LPP: variants seen among roughly 807,000 people sequenced by gnomAD.
LPP encodes the protein LIM domain containing preferred translocation partner in lipoma.
A neutral mutation model predicts 60.4 loss-of-function variants in LPP; 38 were observed. The ratio of observed to expected loss-of-function variants is 0.63; its 90% CI spans 0.49 to 0.83. The LOEUF is 0.83. Among genes scored for constraint, LPP ranks in the 40% least tolerant of loss-of-function variants. LPP has a pLI of 0.00. For missense variants in LPP, 902 were observed against 783.6 expected, an observed-to-expected ratio of 1.15 and a Z score of -1.80; for synonymous variants, 328 against 290.8, an observed-to-expected ratio of 1.13 and a Z score of -1.30.
At position 188,886,997 on chromosome 3, in the gene LPP, A is replaced by G. The variant is rs559231873; in HGVS notation, c.*12518A>G. 11 of 231,484 alleles carry G rather than the reference A, an allele frequency of 4.8e-5. No homozygotes were observed. The highest frequency in any genetic ancestry group is 1.8e-4 in the South Asian group (1 of 5,492). The allele number at this position is 231,484 out of a possible 1,614,324, so 14.3% of individuals were successfully genotyped here. On this transcript the variant is annotated 3_prime_UTR_variant, in exon 12 of 12. Transcript: ENST00000617246. ...ATCTCTCATGCGTGATTCTCTCTTTATATTTCTATCTGTTGGGAAAAGGGT... is the reference window on the plus strand; with the variant it reads ...ATCTCTCATGCGTGATTCTCTCTTTGTATTTCTATCTGTTGGGAAAAGGGT...
intron 7 of LPP, among the ~76,000 whole-genome samples, chr3:188,644,855 G>A (rs1186105283): frequency 6.6e-6 from 1 of 152,200 alleles, no homozygotes; most frequent in Non-Finnish European, 1.5e-5. Context: ...TTGGTGCAGG[G>A]TGCAGACAAG....
chr3:188,380,299 C>A (rs1043224464), intron 3 of LPP, among the ~76,000 whole-genome samples: 1 of 152,236 alleles, frequency 6.6e-6, no homozygotes, highest in African/African-American at 2.4e-5. Flanking sequence ...AAATGTTGTT[C>A]TTTGGGCACT....
chr3:188,378,969 G>C (rs1035929754), intron 3 of LPP, among the ~76,000 whole-genome samples: 1 of 152,160 alleles, frequency 6.6e-6, no homozygotes, highest in Admixed American at 6.5e-5. Context: ...AAGGGGAAGG[G>C]TGTGGGCAGG....
chr3:188,563,243 G>A (rs1302746255), intron 6 of LPP, among the ~76,000 whole-genome samples: 1 of 151,834 alleles, frequency 6.6e-6, no homozygotes, highest in Non-Finnish European at 1.5e-5. Context: ...TAACTTTACT[G>A]AAGCATATAT....
chr3:188,469,423 G>A (rs888733884), intron 4 of LPP, among the ~76,000 whole-genome samples: 1 of 152,062 alleles, frequency 6.6e-6, no homozygotes, highest in Non-Finnish European at 1.5e-5. Flanking sequence ...TCTTTGATTG[G>A]TATGTTACAA....
chr3:188,826,661 C>G (rs1755604856), intron 9 of LPP, among the ~76,000 whole-genome samples: 2 of 152,042 alleles, frequency 1.3e-5, no homozygotes. Context: ...CTCAAGCTCC[C>G]CACACCAGCA....
chr3:188,308,603 C>T (rs772984529), intron 2 of LPP, among the ~76,000 whole-genome samples: 1 of 152,144 alleles, frequency 6.6e-6, no homozygotes, highest in African/African-American at 2.4e-5. Flanking sequence ...ATCAAGTATG[C>T]GCTGGTTGTC....
chr3:188,522,502 T>C (rs1230019610), intron 5 of LPP, among the ~76,000 whole-genome samples: 1 of 152,184 alleles, frequency 6.6e-6, no homozygotes, highest in Non-Finnish European at 1.5e-5. Context: ...CATTATTCAC[T>C]GATTTATTTA....
chr3:188,613,271 T>TATCTA (rs1223763932), intron 7 of LPP, among the ~76,000 whole-genome samples: 29 of 136,666 alleles, frequency 2.1e-4, no homozygotes, highest in Admixed American at 7.3e-4. Flanking sequence ...CCTATATCTA[T>TATCTA]ATCTATATCT....
chr3:188,618,082 A>T (rs1024612853), intron 7 of LPP, among the ~76,000 whole-genome samples: 2 of 152,214 alleles, frequency 1.3e-5, no homozygotes, highest in African/African-American at 4.8e-5. Flanking sequence ...AGTGTTAGGA[A>T]GTGTCTTAGA....
intron 2 of LPP, among the ~76,000 whole-genome samples, chr3:188,241,696 A>T (rs1332575177): frequency 6.6e-6 from 1 of 152,058 alleles, no homozygotes; most frequent in Non-Finnish European, 1.5e-5. Flanking sequence ...ATCTACATGG[A>T]CAACCTATTT....
At chr3:188,386,493 G>A (rs79892527) in intron 3 of LPP, among the ~76,000 whole-genome samples, 1,538 of 152,310 alleles carry the variant, frequency 0.01, 30 homozygotes, top group African/African-American at 0.035. Context: ...ATTAGAAACT[G>A]ACTGTGGTTA....
At position 188,356,924 on chromosome 3, in the gene LPP, T is replaced by C. The variant is rs1251888324; in HGVS notation, c.-10+15205T>C. The stretch of plus-strand genomic sequence containing the variant: ...CTGGTCAAGAATATGAATTTTACTT[T>C]GTACGGCCAAAGCGTTTCAACCATT... On this transcript the variant is annotated intron_variant, in intron 3 of 11. Transcript: ENST00000617246. Among the ~76,000 whole-genome samples the C allele has an allele frequency of 2.6e-5, 4 of 152,230 alleles. No homozygotes were observed. In the East Asian group the frequency reaches 7.7e-4, roughly 29 times the overall value.
At chr3:188,340,396 C>G (rs530946418) in intron 2 of LPP, among the ~76,000 whole-genome samples, 1 of 116,630 alleles carries the variant, frequency 8.6e-6, no homozygotes. Flanking sequence ...CAATCATGCT[C>G]TTTTTTTTTT....
At chr3:188,518,650 C>A (rs9868245) in intron 5 of LPP, among the ~76,000 whole-genome samples, 23,845 of 152,142 alleles carry the variant, frequency 0.16, 2,132 homozygotes, top group Non-Finnish European at 0.17. Flanking sequence ...TTTGAACTCA[C>A]AATCTATAAT....
intron 1 of LPP, among the ~76,000 whole-genome samples, chr3:188,194,517 T>C (rs543671452): frequency 5.3e-5 from 8 of 152,306 alleles, no homozygotes; most frequent in African/African-American, 1.9e-4. Flanking sequence ...GCAAGCTCTA[T>C]CCAGTTCTAC....
chr3:188,749,053 A>T (rs1727210052), intron 8 of LPP, among the ~76,000 whole-genome samples: 1 of 152,112 alleles, frequency 6.6e-6, no homozygotes, highest in African/African-American at 2.4e-5. Flanking sequence ...AAATGGCATG[A>T]CTCTACTGGT....
At chr3:188,313,378 G>A (rs1578037504) in intron 2 of LPP, among the ~76,000 whole-genome samples, 2 of 151,944 alleles carry the variant, frequency 1.3e-5, no homozygotes, top group Non-Finnish European at 2.9e-5. Context: ...GGTGGCTCAC[G>A]CCTGTAATCC....
chr3:188,368,719 C>CACACAGAG (rs1257085181), intron 3 of LPP, among the ~76,000 whole-genome samples: 130 of 99,646 alleles, frequency 1.3e-3, no homozygotes, highest in South Asian at 8.2e-3. Flanking sequence ...CACACACACA[C>CACACAGAG]AGAGAGAGAG....
Sources: gnomAD v4.1 joint callset for allele counts (sites outside exome capture counted in the v4.1 genomes callset) on GRCh38, gnomAD v4.1.1 for gene constraint, MANE v1.5 for transcripts, NCBI Gene and HGNC (gene_info 2026-07-23, HGNC 2026-07-21) for gene names.